The following FBXL7 variants were observed in gnomAD, a reference collection of about 807,000 sequenced individuals.
FBXL7 encodes F-box/LRR-repeat protein 7.
In FBXL7, 12 loss-of-function variants were observed where a neutral mutation model predicts 38.3. The observed-to-expected ratio is 0.31, with a 90% CI of 0.20 to 0.51. The LOEUF (loss-of-function observed/expected upper bound fraction) is 0.51, where lower values mean the gene tolerates loss of function less well. FBXL7 is among the 20% of genes least tolerant of loss of function. The pLI, the probability that FBXL7 is intolerant of heterozygous loss-of-function variation, is 0.98. For missense variants in FBXL7, 567 were observed against 676.4 expected (o/e 0.84, Z 1.79); for synonymous variants, 297 against 300.9 (o/e 0.99, Z 0.13).
In FBXL7 at chr5:15,616,016, G is replaced by A. The variant is rs1346342810; in HGVS notation, c.71G>A (p.Ser24Asn). 8 of 1,613,504 alleles carry A rather than the reference G, an allele frequency of 5.0e-6. No homozygotes were observed. Among genetic ancestry groups the A allele is most frequent in the Non-Finnish European group, 6.8e-6 (8 of 1,179,608 alleles). The change falls in exon 2 of 4, where the codon AGT becomes AAT. Residue 24 changes from serine to asparagine, a missense_variant. Ser to Asn is a conservative substitution (Grantham distance 46). Transcript: ENST00000504595. The stretch of plus-strand genomic sequence containing the variant: ...AGCTCGAGCATCTCATCTGACGTGA[G>A]TTCAAGTACAGATCACACGCCCACT... ...KGSSSISSDV[S>N]SSTDHTPTKA...
intron 1 of FBXL7, among the ~76,000 whole-genome samples, chr5:15,572,132 C>G (rs1209567236): frequency 1.3e-5 from 2 of 152,216 alleles, no homozygotes; most frequent in Admixed American, 6.5e-5. Context: ...GCTCCTGGGT[C>G]TATCCAAAAG....
rs1742179823 is a variant in FBXL7, at chr5:15,936,324, C to T, written c.740-126C>T. ...CATTTCCTCTCTATAGAGACCAAGA[C>T]AGGAAAGGGTAACATCAGCCTCGGA... On this transcript the variant is annotated intron_variant, in intron 3 of 3. Coordinates refer to ENST00000504595, the MANE Select transcript of FBXL7 (RefSeq NM_012304.5). This position sits in a 1 kb window ranked among gnomAD's most constrained non-coding sequence, Gnocchi z 6.0. The T allele has an allele frequency of 1.8e-6, 2 of 1,126,118 alleles. No individual in the cohort carries two copies. Among genetic ancestry groups the T allele is most frequent in the South Asian group, 1.6e-5 (1 of 62,342 alleles). The allele number at this position is 1,126,118 out of a possible 1,614,324, so 69.8% of individuals were successfully genotyped here.
chr5:15,912,767 C>G (rs897265928), intron 2 of FBXL7, among the ~76,000 whole-genome samples: 1 of 152,096 alleles, frequency 6.6e-6, no homozygotes, highest in Non-Finnish European at 1.5e-5. Flanking sequence ...CAGGGACCCA[C>G]CGAAACGCCA....
Position 15,753,173 on chromosome 5 carries a change from A to ACT in FBXL7, c.127+137108_127+137109dup, listed in dbSNP as rs568458766. On this transcript the variant is annotated intron_variant, in intron 2 of 3. Transcript: ENST00000504595. ...GCCAGACACACGCTCTCTAGGACACACTCTCTCTTTTTTTCCCCGTATAGT... is the reference window on the plus strand; with the variant it reads ...GCCAGACACACGCTCTCTAGGACACACTCTCTCTCTTTTTTTCCCCGTATAGT... Among the ~76,000 whole-genome samples the ACT allele has an allele frequency of 7.3e-5, 11 of 151,542 alleles. No individual in the cohort carries two copies. In the East Asian group the frequency reaches 2.1e-3, roughly 30 times the overall value.
chr5:15,722,074 C>T (rs1316058831), intron 2 of FBXL7, among the ~76,000 whole-genome samples: 1 of 152,146 alleles, frequency 6.6e-6, no homozygotes, highest in Non-Finnish European at 1.5e-5. Context: ...ACCTTATGAT[C>T]TGCCCGCCTT....
intron 2 of FBXL7, among the ~76,000 whole-genome samples, chr5:15,802,976 T>G (rs1349418594): frequency 6.6e-6 from 1 of 152,174 alleles, no homozygotes; most frequent in Admixed American, 6.5e-5. Flanking sequence ...CTTCACCAAT[T>G]ACCCTCTGTT....
At chr5:15,822,315 TCA>T (rs1205476839) in intron 2 of FBXL7, among the ~76,000 whole-genome samples, 2 of 150,498 alleles carry the variant, frequency 1.3e-5, no homozygotes, top group East Asian at 3.9e-4. Context: ...TGAGCCGAGA[TCA>T]CACCATTGCA....
At chr5:15,616,808 C>A (rs1486189811) in intron 2 of FBXL7, among the ~76,000 whole-genome samples, 1 of 152,182 alleles carries the variant, frequency 6.6e-6, no homozygotes, top group Non-Finnish European at 1.5e-5. Context: ...AAATGACTTT[C>A]TGTCTGAAAA....
At chr5:15,835,788 C>T (rs145396520) in intron 2 of FBXL7, among the ~76,000 whole-genome samples, 1 of 152,252 alleles carries the variant, frequency 6.6e-6, no homozygotes, top group East Asian at 1.9e-4. Flanking sequence ...TCTTCATGTG[C>T]TTTTGCTTTG....
At chr5:15,809,868 T>C (rs1178208419) in intron 2 of FBXL7, among the ~76,000 whole-genome samples, 1 of 152,198 alleles carries the variant, frequency 6.6e-6, no homozygotes, top group Non-Finnish European at 1.5e-5. Context: ...ATCTGAGAGT[T>C]ATGATATTTT....
Position 15,793,847 on chromosome 5 carries a change from G to T in FBXL7, c.128-134043G>T, listed in dbSNP as rs575807858. Among the ~76,000 whole-genome samples the T allele has an allele frequency of 1.1e-4, 17 of 152,310 alleles. No individual in the cohort carries two copies. In the East Asian group the frequency reaches 3.1e-3, roughly 28 times the overall value. ...GTGGCAGAGTTAGAGTTTCTGCAGT[G>T]TGTTGTCTTACATAAAAACACAGCA... On this transcript the variant is annotated intron_variant, in intron 2 of 3. Transcript: ENST00000504595.
intron 2 of FBXL7, among the ~76,000 whole-genome samples, chr5:15,681,615 A>G (rs1400733746): frequency 1.3e-5 from 2 of 152,164 alleles, no homozygotes; most frequent in African/African-American, 4.8e-5. Context: ...TTCTGCTTTT[A>G]GGTATGTGTT....
intron 2 of FBXL7, among the ~76,000 whole-genome samples, chr5:15,873,716 G>A (rs1477076160): frequency 1.3e-5 from 2 of 152,066 alleles, no homozygotes; most frequent in Non-Finnish European, 1.5e-5. Context: ...ACTAAACCAG[G>A]AAGAAGTCAA....
chr5:15,602,952 A>G (rs1580397524), intron 1 of FBXL7, among the ~76,000 whole-genome samples: 1 of 152,076 alleles, frequency 6.6e-6, no homozygotes, highest in South Asian at 2.1e-4. Flanking sequence ...TCTGGCCTCA[A>G]CCTCCCAACT....
At position 15,936,937 on chromosome 5, in the gene FBXL7, C is replaced by T. The variant is rs762807925; in HGVS notation, c.1227C>T (p.Ile409=). Residue 409 remains isoleucine (I), a synonymous_variant, in exon 4 of 4, where the codon ATC becomes ATT. Transcript: ENST00000504595. The surrounding 1 kb of genome is among the most constrained non-coding windows in gnomAD (Gnocchi z 6.0). The part of the protein sequence containing the change: ...KNCTKLKSLD[I]GKCPLVSDTG... ...GCACCAAACTCAAATCCCTGGATAT[C>T]GGCAAATGCCCTTTGGTATCCGACA... 2.6e-5 allele frequency: 42 copies of T among 1,613,956 alleles called. No individual in the cohort carries two copies. Among genetic ancestry groups the T allele is most frequent in the South Asian group, 1.6e-4 (15 of 91,094 alleles).
chr5:15,849,028 A>G (rs1739014055), intron 2 of FBXL7, among the ~76,000 whole-genome samples: 1 of 152,226 alleles, frequency 6.6e-6, no homozygotes, highest in African/African-American at 2.4e-5. Context: ...CGCTTAATGT[A>G]TAAATGATTG....
chr5:15,829,632 A>C (rs1738401777), intron 2 of FBXL7, among the ~76,000 whole-genome samples: 1 of 152,192 alleles, frequency 6.6e-6, no homozygotes, highest in Non-Finnish European at 1.5e-5. Flanking sequence ...AATTATTTTC[A>C]TCTTAATAGC....
At chr5:15,679,423 G>A (rs551613559) in intron 2 of FBXL7, among the ~76,000 whole-genome samples, 59 of 152,176 alleles carry the variant, frequency 3.9e-4, no homozygotes, top group African/African-American at 1.1e-3. Flanking sequence ...ATGTGATTAC[G>A]ATCCTTATTT....
chr5:15,761,589 G>A (rs969317729), intron 2 of FBXL7, among the ~76,000 whole-genome samples: 5 of 152,034 alleles, frequency 3.3e-5, no homozygotes, highest in African/African-American at 4.8e-5. Context: ...GGTTGTCCAG[G>A]TTAGAGTGCT....
Sources: gnomAD v4.1 joint callset for allele counts (sites outside exome capture counted in the v4.1 genomes callset) on GRCh38, gnomAD v4.1.1 for gene constraint, Gnocchi (gnomAD v3.1) non-coding constraint, MANE v1.5 for transcripts, NCBI Gene and HGNC (gene_info 2026-07-23, HGNC 2026-07-21) for gene names.